PRKG2: variants seen among roughly 807,000 people sequenced by gnomAD.
PRKG2 encodes the protein protein kinase cGMP-dependent 2.
In PRKG2, 33 loss-of-function variants were observed where a neutral mutation model predicts 97.2. The ratio of observed to expected loss-of-function variants is 0.34; its 90% CI spans 0.26 to 0.45. The LOEUF (loss-of-function observed/expected upper bound fraction) is 0.45. Among genes scored for constraint, PRKG2 ranks in the 20% least tolerant of loss-of-function variants. The pLI is 1.00. For synonymous variants in PRKG2, 330 were observed against 321.8 expected, an observed-to-expected ratio of 1.03 and a Z score of -0.27; for missense variants, 638 against 900.0, an observed-to-expected ratio of 0.71 and a Z score of 3.73.
intron 1 of PRKG2, among the ~76,000 whole-genome samples, chr4:81,207,051 T>C (rs1753719350): frequency 6.6e-6 from 1 of 152,198 alleles, no homozygotes; most frequent in South Asian, 2.1e-4. Flanking sequence ...CATTTACTGA[T>C]CTTATATATT....
intron 14 of PRKG2, among the ~76,000 whole-genome samples, chr4:81,118,199 C>A (rs1744740507): frequency 6.6e-6 from 1 of 152,130 alleles, no homozygotes; most frequent in African/African-American, 2.4e-5. Context: ...CTGAAAAATA[C>A]TCCATTGTCT....
chr4:81,211,340 T>C (rs1357233893), intron 1 of PRKG2, among the ~76,000 whole-genome samples: 1 of 152,192 alleles, frequency 6.6e-6, no homozygotes, highest in African/African-American at 2.4e-5. Context: ...CTAAAATTTC[T>C]ACAATATAGA....
intron 17 of PRKG2, among the ~76,000 whole-genome samples, chr4:81,102,362 T>C (rs11723025): frequency 0.11 from 17,123 of 152,202 alleles, 1,292 homozygotes; most frequent in African/African-American, 0.21. Context: ...AAGCATAACA[T>C]GAAGAACCTT....
intron 2 of PRKG2, among the ~76,000 whole-genome samples, chr4:81,193,856 A>G (rs952419187): frequency 6.6e-5 from 10 of 152,164 alleles, no homozygotes; most frequent in African/African-American, 2.2e-4. Context: ...AAATAAATTA[A>G]CAAACAAACA....
At chr4:81,130,294 G>T (rs1299905755) in intron 14 of PRKG2, among the ~76,000 whole-genome samples, 1 of 152,112 alleles carries the variant, frequency 6.6e-6, no homozygotes, top group Non-Finnish European at 1.5e-5. Context: ...TCCAGACCCC[G>T]TATGCCTTTG....
intron 3 of PRKG2, among the ~76,000 whole-genome samples, chr4:81,173,161 T>C (rs1461123243): frequency 6.6e-6 from 1 of 152,182 alleles, no homozygotes; most frequent in Non-Finnish European, 1.5e-5. Flanking sequence ...TTGCTATTCA[T>C]GCTATGTTTC....
Position 81,169,734 on chromosome 4 carries a change from T to C in PRKG2, c.777A>G (p.Arg259=). Residue 259 remains arginine (R), a synonymous_variant, in exon 5 of 19, where the codon CGA becomes CGG. Transcript: ENST00000264399. ...ITNVKTWALD[R]EVFQNIMRRT... is the part of the protein sequence containing the mutation. ...TCCTCATTATATTCTGGAATACCTC[T>C]CGATCTAGTGCCCATGTTTTAACAT... 1 of 1,609,738 alleles carries C rather than the reference T, an allele frequency of 6.2e-7. No individual in the cohort carries two copies. The highest frequency in any genetic ancestry group is 8.5e-7 in the Non-Finnish European group (1 of 1,177,774).
intron 2 of PRKG2, among the ~76,000 whole-genome samples, chr4:81,197,222 TG>T: frequency 6.6e-6 from 1 of 152,102 alleles, no homozygotes. Context: ...CAGTCCTTCC[TG>T]GGTATCTAGC....
At chr4:81,199,532 A>T (rs1233355644) in intron 2 of PRKG2, among the ~76,000 whole-genome samples, 1 of 152,136 alleles carries the variant, frequency 6.6e-6, no homozygotes, top group Non-Finnish European at 1.5e-5. Context: ...AGGTTATATA[A>T]TTCTGTGTGC....
chr4:81,184,996 A>G (rs56845428), intron 2 of PRKG2, among the ~76,000 whole-genome samples: 34,462 of 151,856 alleles, frequency 0.23, 7,731 homozygotes, highest in African/African-American at 0.57. Flanking sequence ...CCAAACTTAC[A>G]TTTGAGTGGT....
intron 17 of PRKG2, among the ~76,000 whole-genome samples, chr4:81,096,057 G>A (rs1177045102): frequency 6.6e-6 from 1 of 152,168 alleles, no homozygotes; most frequent in Non-Finnish European, 1.5e-5. Flanking sequence ...AAGGTGGAAG[G>A]TCATGCCTTG....
At chr4:81,175,051 T>C in intron 2 of PRKG2, 92 bp from the exon 3 acceptor site, 1 of 1,225,426 alleles carries the variant, frequency 8.2e-7, no homozygotes, top group Non-Finnish European at 1.1e-6. Flanking sequence ...AATAATATTA[T>C]CTACAAACTT....
intron 5 of PRKG2, 106 bp downstream of exon 5, chr4:81,169,557 G>T: frequency 1.2e-6 from 1 of 814,714 alleles, no homozygotes; most frequent in Non-Finnish European, 2.0e-6. Flanking sequence ...TGTGGAAAAT[G>T]CTTAAATGGA....
At position 81,189,066 on chromosome 4, in the gene PRKG2, T is replaced by TAATA. The variant is rs1752191960; in HGVS notation, c.462-14108_462-14107insTATT. ...AAAAAAAAAAGATTAAAAAAAATAA[T>TAATA]AAAAAAAAAAAAAAAAAAAAAAAAA... On this transcript the variant is annotated intron_variant, in intron 2 of 18. Coordinates refer to ENST00000264399, the MANE Select transcript of PRKG2 (RefSeq NM_006259.3). 1.8e-4 allele frequency among the ~76,000 whole-genome samples: 3 copies of TAATA among 17,062 alleles called. 1 individual carries two copies. The African/African-American group carries it at 2.4e-3, about 14-fold the overall frequency. 11.2% of individuals were successfully genotyped at this position (17,062 alleles called of 152,430 possible).
chr4:81,148,906 C>T lies in PRKG2; in HGVS notation c.1132G>A (p.Ala378Thr). The T allele has an allele frequency of 5.0e-6, 8 of 1,613,768 alleles. No homozygotes were observed. Among genetic ancestry groups the T allele is most frequent in the Non-Finnish European group, 6.8e-6 (8 of 1,179,712 alleles). The change falls in exon 9 of 19, where the codon GCA becomes ACA. Residue 378 changes from alanine to threonine, a missense_variant. Physicochemically the swap from Ala to Thr is moderately conservative, Grantham distance 58 (BLOSUM62 0). Around this residue, in one of 3 missense-constraint regions of PRKG2, gnomAD observed 304 missense variants for 460.5 expected, o/e 0.66. Coordinates refer to ENST00000264399, the MANE Select transcript of PRKG2 (RefSeq NM_006259.3). ...ANIIAEENDV[A>T]CLVIDRETFN... Reference sequence around the variant, plus strand: ...CACTCTCGATCTATAACCAGGCATGCAACATCATTTTCTTCAGCAATAATG... The same window carrying T: ...CACTCTCGATCTATAACCAGGCATGTAACATCATTTTCTTCAGCAATAATG...
intron 17 of PRKG2, among the ~76,000 whole-genome samples, chr4:81,103,975 G>A (rs929155017): frequency 4.6e-5 from 7 of 152,246 alleles, no homozygotes; most frequent in African/African-American, 1.7e-4. Flanking sequence ...AGATTGCAAT[G>A]AGCCAAGATC....
chr4:81,093,335 T>C (rs1374873328), intron 17 of PRKG2, among the ~76,000 whole-genome samples: 1 of 149,598 alleles, frequency 6.7e-6, no homozygotes, highest in Admixed American at 6.7e-5. Flanking sequence ...GGCCATCCAA[T>C]CTAAAATTGA....
At chr4:81,178,670 GA>G (rs1751139485) in intron 2 of PRKG2, among the ~76,000 whole-genome samples, 1 of 151,410 alleles carries the variant, frequency 6.6e-6, no homozygotes, top group African/African-American at 2.4e-5. Flanking sequence ...GAAGATTGGA[GA>G]GAATCTAGGA....
chr4:81,212,845 AG>A (rs967972619), intron 1 of PRKG2, among the ~76,000 whole-genome samples: 1 of 152,182 alleles, frequency 6.6e-6, no homozygotes, highest in African/African-American at 2.4e-5. Context: ...GGTTAAAGTG[AG>A]AGAGGATGTG....
Sources: gnomAD v4.1 joint callset for allele counts (sites outside exome capture counted in the v4.1 genomes callset) on GRCh38, gnomAD v4.1.1 for gene constraint, gnomAD v4.1.1 regional missense constraint, MANE v1.5 for transcripts, NCBI Gene and HGNC (gene_info 2026-07-23, HGNC 2026-07-21) for gene names.